The following CCDC112 variants were observed in gnomAD, a reference collection of about 807,000 sequenced individuals.
CCDC112 encodes coiled-coil domain-containing protein 112.
In CCDC112, 40 loss-of-function variants were observed where a neutral mutation model predicts 66.3. That is an observed-to-expected ratio of 0.60 (90% confidence interval 0.47 to 0.79). The LOEUF is 0.79. CCDC112 is among the 30% of genes least tolerant of loss of function. The pLI, the probability that CCDC112 is intolerant of heterozygous loss-of-function variation, is 0.00. For missense variants in CCDC112, 659 were observed against 603.8 expected, an observed-to-expected ratio of 1.09 and a Z score of -0.96; for synonymous variants, 214 against 197.2, an observed-to-expected ratio of 1.09 and a Z score of -0.71.
chr5:115,292,181 T>G (rs1053605224), intron 1 of CCDC112, among the ~76,000 whole-genome samples: 1 of 152,176 alleles, frequency 6.6e-6, no homozygotes, highest in African/African-American at 2.4e-5. Context: ...CTGTTCATTT[T>G]TCTTCATTCT....
intron 1 of CCDC112, among the ~76,000 whole-genome samples, chr5:115,291,345 G>C (rs1325405835): frequency 6.6e-6 from 1 of 152,010 alleles, no homozygotes; most frequent in African/African-American, 2.4e-5. Context: ...ATTGATCATG[G>C]TGTATAATCC....
intron 1 of CCDC112, among the ~76,000 whole-genome samples, chr5:115,294,222 C>T (rs1044177167): frequency 1.3e-5 from 2 of 152,180 alleles, no homozygotes; most frequent in Admixed American, 6.5e-5. Context: ...TTTAAAGACA[C>T]TGTGATGGAC....
rs527323342 is a variant in CCDC112, at chr5:115,279,742, T to G, written c.266A>C (p.His89Pro). The G allele has an allele frequency of 6.5e-7, 1 of 1,533,032 alleles. No homozygotes were observed. The highest frequency in any genetic ancestry group is 2.3e-5 in the East Asian group (1 of 44,314). The allele number at this position is 1,533,032 out of a possible 1,614,324, so 95.0% of individuals were successfully genotyped here. ...NQVINMEKDK[H>P]SHFYNQKSDF... is the part of the protein sequence containing the mutation. The stretch of plus-strand genomic sequence containing the variant: ...ACTTTTTTGGTTGTAGAAATGACTG[T>G]GTTTATCTTTTTCCATGTTAATTAC... Residue 89 changes from histidine (H) to proline (P), a missense_variant, in exon 3 of 10, where the codon CAC becomes CCC. By Grantham distance (77) the His-to-Pro change is moderately conservative (BLOSUM62 -2). Transcript: ENST00000379611.
At chr5:115,296,387 C>G (rs578141251) in intron 1 of CCDC112, 40 bp downstream of exon 1, 1 of 1,546,074 alleles carries the variant, frequency 6.5e-7, no homozygotes, top group Admixed American at 1.9e-5. Context: ...TGCAGCCCCT[C>G]GCCTGCCGCC....
At chr5:115,288,930 T>A in intron 1 of CCDC112, 1 of 443,534 alleles carries the variant, frequency 2.3e-6, no homozygotes, top group South Asian at 1.6e-5. Context: ...TTCCTCTGGA[T>A]TGTACAAGGA....
chr5:115,277,884 C>G lies in CCDC112; in HGVS notation c.362-830G>C, dbSNP rs191386156. Among the ~76,000 whole-genome samples, 577 of 152,212 alleles carry G rather than the reference C, an allele frequency of 3.8e-3. 1 individual carries two copies. The highest frequency in any genetic ancestry group is 0.014 in the Middle Eastern group (4 of 294). On this transcript the variant is annotated intron_variant, in intron 3 of 9. Coordinates refer to ENST00000379611, the MANE Select transcript of CCDC112 (RefSeq NM_001040440.3). ...CTTGGGGTATTTTATGCACCCTCCT[C>G]TTTTTTGTTTTTGCAACTTTTCCAC...
intron 1 of CCDC112, among the ~76,000 whole-genome samples, chr5:115,292,436 T>C (rs1749974699): frequency 6.6e-6 from 1 of 152,234 alleles, no homozygotes. Flanking sequence ...CTTTAGTTCT[T>C]TGAACATATT....
At chr5:115,275,845 T>C (rs1049025299) in intron 5 of CCDC112, 149 bp downstream of exon 5, 1 of 700,958 alleles carries the variant, frequency 1.4e-6, no homozygotes. Context: ...AAAAGCCACC[T>C]AAAACTGAAA....
chr5:115,280,717 A>C (rs1012276084), intron 2 of CCDC112, among the ~76,000 whole-genome samples: 8 of 151,658 alleles, frequency 5.3e-5, no homozygotes, highest in Admixed American at 3.3e-4. Context: ...CACCATGCCC[A>C]GCTAATTTTT....
At chr5:115,295,555 A>T (rs933307164) in intron 1 of CCDC112, among the ~76,000 whole-genome samples, 2 of 152,210 alleles carry the variant, frequency 1.3e-5, no homozygotes, top group South Asian at 2.1e-4. Flanking sequence ...TCCTCAGCTC[A>T]TGACAGCCTT....
At chr5:115,272,946 A>G (rs1049275899) in intron 6 of CCDC112, among the ~76,000 whole-genome samples, 1 of 152,236 alleles carries the variant, frequency 6.6e-6, no homozygotes, top group Non-Finnish European at 1.5e-5. Context: ...TTCTATGGAA[A>G]AAAAAAAGTC....
At chr5:115,295,412 TA>T (rs755976874) in intron 1 of CCDC112, among the ~76,000 whole-genome samples, 26 of 152,114 alleles carry the variant, frequency 1.7e-4, no homozygotes, top group Non-Finnish European at 3.4e-4. Context: ...TTTCCTGAGA[TA>T]CTTGGGACAG....
chr5:115,273,623 T>C (rs545629657), intron 6 of CCDC112, among the ~76,000 whole-genome samples: 2 of 152,182 alleles, frequency 1.3e-5, no homozygotes, highest in Admixed American at 6.5e-5. Flanking sequence ...AGAATCTGAA[T>C]GGTTTACTTT....
chr5:115,278,028 T>C (rs1749283197), intron 3 of CCDC112, among the ~76,000 whole-genome samples: 1 of 152,192 alleles, frequency 6.6e-6, no homozygotes, highest in Admixed American at 6.5e-5. Context: ...AACCTCTTAA[T>C]ACGTATATGA....
intron 7 of CCDC112, 127 bp from the exon 8 acceptor site, chr5:115,269,925 C>T (rs1375482570): frequency 5.1e-6 from 3 of 586,796 alleles, no homozygotes; most frequent in East Asian, 6.0e-5. Context: ...TTCTTTCCAA[C>T]AAAGCCTAAG....
chr5:115,281,931 G>A (rs1201927140), intron 2 of CCDC112, among the ~76,000 whole-genome samples: 3 of 152,126 alleles, frequency 2.0e-5, no homozygotes, highest in Admixed American at 1.3e-4. Flanking sequence ...TCTACGGAGG[G>A]CAATTTAGCA....
At chr5:115,294,707 C>T (rs928556009) in intron 1 of CCDC112, among the ~76,000 whole-genome samples, 5 of 152,092 alleles carry the variant, frequency 3.3e-5, no homozygotes, top group Admixed American at 2.0e-4. Flanking sequence ...TAGGAATATT[C>T]GTTCATTTAA....
chr5:115,270,798 T>C (rs1163033546), intron 7 of CCDC112, among the ~76,000 whole-genome samples: 1 of 152,182 alleles, frequency 6.6e-6, no homozygotes, highest in Non-Finnish European at 1.5e-5. Context: ...GAAGTGTTAA[T>C]AGTCTCCATC....
intron 3 of CCDC112, 85 bp from the exon 4 acceptor site, chr5:115,277,139 G>T: frequency 1.4e-6 from 1 of 729,236 alleles, no homozygotes. Context: ...ACTGATCACT[G>T]TTAGTAAAAG....
Sources: gnomAD v4.1 joint callset for allele counts (sites outside exome capture counted in the v4.1 genomes callset) on GRCh38, gnomAD v4.1.1 for gene constraint, MANE v1.5 for transcripts, NCBI Gene and HGNC (gene_info 2026-07-23, HGNC 2026-07-21) for gene names.